Variants in KHDRBS2 observed in about 807,000 individuals in gnomAD.
KHDRBS2 encodes KH RNA binding domain containing, signal transduction associated 2, also known as KH domain-containing, RNA-binding, signal transduction-associated protein 2.
KHDRBS2 carries 26 observed loss-of-function variants against 44.3 expected under a neutral mutation model. The ratio of observed to expected loss-of-function variants is 0.59; its 90% CI spans 0.43 to 0.81. The LOEUF (loss-of-function observed/expected upper bound fraction) is 0.81. Ranked by LOEUF, KHDRBS2 falls within the 40% of genes least tolerant of loss-of-function variation. The probability of loss-of-function intolerance (pLI) is 0.00; values close to 1 mark genes in which losing one functional copy is unlikely to be tolerated. For missense variants in KHDRBS2, 476 were observed against 433.1 expected, an observed-to-expected ratio of 1.10 and a Z score of -0.88; for synonymous variants, 194 against 151.1, an observed-to-expected ratio of 1.28 and a Z score of -2.08.
At chr6:62,258,338 G>A (rs183396680) in intron 1 of KHDRBS2, among the ~76,000 whole-genome samples, 172 of 152,106 alleles carry the variant, frequency 1.1e-3, no homozygotes, top group African/African-American at 3.9e-3. Context: ...TGGTTAATAC[G>A]GATATTCTGG....
intron 7 of KHDRBS2, among the ~76,000 whole-genome samples, chr6:61,719,570 T>C (rs1772023142): frequency 6.6e-6 from 1 of 152,108 alleles, no homozygotes; most frequent in African/African-American, 2.4e-5. Flanking sequence ...TTCAAGTATG[T>C]GAGTTCCCCT....
chr6:61,806,817 T>C (rs1364228285), intron 6 of KHDRBS2, among the ~76,000 whole-genome samples: 1 of 152,118 alleles, frequency 6.6e-6, no homozygotes, highest in African/African-American at 2.4e-5. Context: ...ATTTTTAATT[T>C]TTATTTTGTA....
At chr6:61,889,439 C>T (rs1473790341) in intron 6 of KHDRBS2, among the ~76,000 whole-genome samples, 2 of 152,150 alleles carry the variant, frequency 1.3e-5, no homozygotes, top group African/African-American at 2.4e-5. Flanking sequence ...TCAATTTAAC[C>T]CAGTCGTTCA....
chr6:62,284,883 C>T (rs1335178535), intron 1 of KHDRBS2, among the ~76,000 whole-genome samples: 8 of 151,996 alleles, frequency 5.3e-5, no homozygotes, highest in Admixed American at 5.2e-4. Flanking sequence ...GGAAGTTATC[C>T]GTTTTAGTTT....
At chr6:61,681,483 T>C (rs965805329) in intron 8 of KHDRBS2, among the ~76,000 whole-genome samples, 4 of 151,850 alleles carry the variant, frequency 2.6e-5, no homozygotes, top group Non-Finnish European at 4.4e-5. Flanking sequence ...GAAAACTCTA[T>C]GGGCTGGGAC....
intron 2 of KHDRBS2, among the ~76,000 whole-genome samples, chr6:62,070,161 G>A (rs1350563648): frequency 1.3e-5 from 2 of 151,618 alleles, no homozygotes; most frequent in Non-Finnish European, 2.9e-5. Flanking sequence ...GTCCCTCTTT[G>A]CAATAGTGCA....
intron 7 of KHDRBS2, among the ~76,000 whole-genome samples, chr6:61,707,494 A>T (rs1250942414): frequency 1.3e-5 from 2 of 151,852 alleles, no homozygotes; most frequent in Non-Finnish European, 2.9e-5. Context: ...TAATTCTGTT[A>T]AGGTTAAAAA....
chr6:61,900,216 C>T (rs774817682), intron 5 of KHDRBS2, among the ~76,000 whole-genome samples: 2 of 151,436 alleles, frequency 1.3e-5, no homozygotes, highest in Non-Finnish European at 2.9e-5. Flanking sequence ...TTTTTCTGAC[C>T]GGTGAGAAAC....
At chr6:62,105,118 A>T (rs965193540) in intron 2 of KHDRBS2, among the ~76,000 whole-genome samples, 1 of 152,152 alleles carries the variant, frequency 6.6e-6, no homozygotes, top group African/African-American at 2.4e-5. Flanking sequence ...CTATATCATT[A>T]AAAAAATGAG....
At chr6:61,977,879 G>T (rs1369502479) in intron 4 of KHDRBS2, among the ~76,000 whole-genome samples, 187 bp downstream of exon 4, 1 of 152,104 alleles carries the variant, frequency 6.6e-6, no homozygotes, top group Non-Finnish European at 1.5e-5. Context: ...TCACTATATG[G>T]CAACACGCCA....
At position 62,187,093 on chromosome 6, in the gene KHDRBS2, G is replaced by A. The variant is rs115419436; in HGVS notation, c.92-9781C>T. 8.0e-3 allele frequency among the ~76,000 whole-genome samples: 1,215 copies of A among 152,176 alleles called. 16 individuals are homozygous for A. Among genetic ancestry groups the A allele is most frequent in the African/African-American group, 0.028 (1,150 of 41,534 alleles). On this transcript the variant is annotated intron_variant, in intron 1 of 8. Coordinates refer to ENST00000281156, the MANE Select transcript of KHDRBS2 (RefSeq NM_152688.4). The stretch of plus-strand genomic sequence containing the variant: ...GTGTCAGAGTTCCACAGTCCATCAT[G>A]CTGGCAAAGACAACATCAAGTTTCC...
Position 61,901,362 on chromosome 6 carries a change from C to T in KHDRBS2, c.493G>A (p.Asp165Asn). 6.2e-7 allele frequency: 1 copy of T among 1,610,772 alleles called. No individual in the cohort carries two copies. Among genetic ancestry groups the T allele is most frequent in the Non-Finnish European group, 8.5e-7 (1 of 1,178,832 alleles). The change falls in exon 5 of 9, where the codon GAT becomes AAT. Residue 165 changes from aspartate to asparagine, a missense_variant. Asp to Asn is a conservative substitution (Grantham distance 23). Coordinates refer to ENST00000281156, the MANE Select transcript of KHDRBS2 (RefSeq NM_152688.4). The stretch of plus-strand genomic sequence containing the variant: ...CGTAGTTGTTCCTGACGAATTTCAT[C>T]ATTGTAGTCCTGGAGAAAAAACATG... ...IKKFLVPDYN[D>N]EIRQEQLREL...
At chr6:61,826,548 C>T (rs993484538) in intron 6 of KHDRBS2, among the ~76,000 whole-genome samples, 1 of 151,956 alleles carries the variant, frequency 6.6e-6, no homozygotes, top group Non-Finnish European at 1.5e-5. Flanking sequence ...TTCACCATCC[C>T]TAGTTGAAAT....
At chr6:61,878,198 T>C (rs1460188401) in intron 6 of KHDRBS2, among the ~76,000 whole-genome samples, 1 of 151,952 alleles carries the variant, frequency 6.6e-6, no homozygotes, top group Non-Finnish European at 1.5e-5. Flanking sequence ...CCTGCTGCCC[T>C]GCATAGACAC....
At chr6:62,005,581 C>A (rs1268094713) in intron 3 of KHDRBS2, among the ~76,000 whole-genome samples, 1 of 149,778 alleles carries the variant, frequency 6.7e-6, no homozygotes, top group South Asian at 2.1e-4. Context: ...CTTTAGGGAC[C>A]AAAAATCAAA....
the KHDRBS2 span, among the ~76,000 whole-genome samples, chr6:61,670,327 T>C: frequency 2.0e-5 from 3 of 151,390 alleles, no homozygotes; most frequent in African/African-American, 7.3e-5. Flanking sequence ...TTAAAGGTTA[T>C]CAGGTGATAA....
chr6:61,715,137 C>A (rs1415427659), intron 7 of KHDRBS2, among the ~76,000 whole-genome samples: 4 of 151,900 alleles, frequency 2.6e-5, no homozygotes, highest in African/African-American at 9.6e-5. Context: ...AATAACAAGA[C>A]CTGGAGGCTG....
chr6:61,559,999 G>A, the KHDRBS2 span, among the ~76,000 whole-genome samples: 8 of 152,050 alleles, frequency 5.3e-5, no homozygotes, highest in Non-Finnish European at 4.4e-5. Flanking sequence ...GACATGTGTG[G>A]TATTAATAAA....
At chr6:61,829,844 G>A (rs565795) in intron 6 of KHDRBS2, among the ~76,000 whole-genome samples, 98,485 of 151,912 alleles carry the variant, frequency 0.65, 33,000 homozygotes, top group African/African-American at 0.83. Flanking sequence ...AGAACACATC[G>A]GAGTGAGAGA....
Sources: allele counts gnomAD v4.1 joint callset (sites outside exome capture counted in the v4.1 genomes callset), GRCh38; gene constraint gnomAD v4.1.1; transcripts MANE v1.5; gene names NCBI Gene and HGNC (gene_info 2026-07-23, HGNC 2026-07-21).